PTPRD: variants seen among roughly 807,000 people sequenced by gnomAD.
The protein encoded by PTPRD is receptor-type tyrosine-protein phosphatase delta.
A neutral mutation model predicts 214.5 loss-of-function variants in PTPRD; 34 were observed. That is an observed-to-expected ratio of 0.16 (90% confidence interval 0.12 to 0.21). The LOEUF is 0.21. Among genes scored for constraint, PTPRD ranks in the 10% least tolerant of loss-of-function variants. The pLI, the probability that PTPRD is intolerant of heterozygous loss-of-function variation, is 1.00. For missense variants in PTPRD, 2,545 were observed against 2,398.7 expected (o/e 1.06, Z -1.27); for synonymous variants, 1,128 against 845.7 (o/e 1.33, Z -5.79).
At chr9:9,246,870 C>T (rs903314607) in intron 9 of PTPRD, among the ~76,000 whole-genome samples, 4 of 151,886 alleles carry the variant, frequency 2.6e-5, no homozygotes, top group African/African-American at 9.7e-5. Context: ...AAATAATACC[C>T]CAAAATATGG....
intron 7 of PTPRD, among the ~76,000 whole-genome samples, chr9:9,666,776 A>T (rs748265189): frequency 3.3e-5 from 5 of 152,046 alleles, no homozygotes; most frequent in African/African-American, 4.8e-5. Context: ...TGAAATCTAA[A>T]ACCAAAAATG....
chr9:9,448,851 G>A (rs954043910), intron 8 of PTPRD, among the ~76,000 whole-genome samples: 5 of 151,988 alleles, frequency 3.3e-5, no homozygotes, highest in African/African-American at 1.2e-4. Context: ...AAAGCAGGGT[G>A]GCTAATGGAT....
intron 3 of PTPRD, among the ~76,000 whole-genome samples, chr9:10,067,508 T>C (rs2097907968): frequency 6.6e-6 from 1 of 151,884 alleles, no homozygotes; most frequent in South Asian, 2.1e-4. Flanking sequence ...CAGTGAGATA[T>C]CTAACAATTC....
intron 11 of PTPRD, among the ~76,000 whole-genome samples, chr9:8,921,724 C>A (rs899349631): frequency 6.6e-6 from 1 of 152,082 alleles, no homozygotes; most frequent in African/African-American, 2.4e-5. Flanking sequence ...GAACTCCCGA[C>A]CTCAAGTGAT....
At chr9:9,283,262 T>C (rs1337709978) in intron 9 of PTPRD, among the ~76,000 whole-genome samples, 1 of 151,496 alleles carries the variant, frequency 6.6e-6, no homozygotes, top group Non-Finnish European at 1.5e-5. Flanking sequence ...AAGACCCTGA[T>C]AATTTAGTTG....
chr9:9,597,363 A>G (rs1356431070), intron 7 of PTPRD, among the ~76,000 whole-genome samples: 2 of 152,060 alleles, frequency 1.3e-5, no homozygotes, highest in Non-Finnish European at 2.9e-5. Flanking sequence ...TTATACTTTT[A>G]AATGACTAGC....
chr9:10,375,269 A>G (rs1188922057), intron 2 of PTPRD, among the ~76,000 whole-genome samples: 1 of 152,072 alleles, frequency 6.6e-6, no homozygotes, highest in African/African-American at 2.4e-5. Flanking sequence ...AATTATATAC[A>G]GAATGCTTTG....
chr9:10,124,080 G>C (rs996739543), intron 3 of PTPRD, among the ~76,000 whole-genome samples: 2 of 152,190 alleles, frequency 1.3e-5, no homozygotes, highest in Non-Finnish European at 2.9e-5. Context: ...GCTGCATTTA[G>C]AGAACTGGCC....
chr9:9,800,317 G>C (rs1264717429), intron 5 of PTPRD, among the ~76,000 whole-genome samples: 3 of 152,126 alleles, frequency 2.0e-5, no homozygotes, highest in South Asian at 2.1e-4. Flanking sequence ...CCTGGGGACA[G>C]AGCAAGATCT....
At chr9:9,334,571 CTT>C (rs1256814071) in intron 9 of PTPRD, among the ~76,000 whole-genome samples, 1 of 151,910 alleles carries the variant, frequency 6.6e-6, no homozygotes, top group Non-Finnish European at 1.5e-5. Context: ...GGGTCTGCCA[CTT>C]TCTCTTGTGG....
At chr9:9,494,452 G>T (rs761398397) in intron 8 of PTPRD, among the ~76,000 whole-genome samples, 1 of 152,082 alleles carries the variant, frequency 6.6e-6, no homozygotes, top group Non-Finnish European at 1.5e-5. Context: ...CCCCAACCTC[G>T]AGTAACCACC....
intron 3 of PTPRD, among the ~76,000 whole-genome samples, chr9:10,255,812 A>C (rs1356244368): frequency 6.6e-6 from 1 of 152,138 alleles, no homozygotes; most frequent in Non-Finnish European, 1.5e-5. Flanking sequence ...AGTCATTATT[A>C]CTATTATTTA....
chr9:10,418,602 T>C (rs73406133), intron 2 of PTPRD, among the ~76,000 whole-genome samples: 1 of 151,788 alleles, frequency 6.6e-6, no homozygotes, highest in African/African-American at 2.4e-5. Flanking sequence ...TTAAGGTTTC[T>C]CTTTCCCACT....
chr9:9,113,408 C>T (rs2099808919), intron 10 of PTPRD, among the ~76,000 whole-genome samples: 1 of 152,070 alleles, frequency 6.6e-6, no homozygotes, highest in African/African-American at 2.4e-5. Context: ...GAGTGTTGTC[C>T]TAAAGGAGTT....
At chr9:10,582,345 T>G (rs1256959902) in intron 2 of PTPRD, among the ~76,000 whole-genome samples, 1 of 152,180 alleles carries the variant, frequency 6.6e-6, no homozygotes, top group Non-Finnish European at 1.5e-5. Context: ...CTGTTGGTAT[T>G]CTTTCCTACT....
At chr9:8,845,221 G>T (rs2097665923) in intron 11 of PTPRD, among the ~76,000 whole-genome samples, 1 of 151,638 alleles carries the variant, frequency 6.6e-6, no homozygotes, top group South Asian at 2.1e-4. Flanking sequence ...TCTGAGACCT[G>T]GTCCTAACAG....
intron 14 of PTPRD, among the ~76,000 whole-genome samples, chr9:8,530,588 C>G (rs975611299): frequency 6.6e-6 from 1 of 152,094 alleles, no homozygotes; most frequent in African/African-American, 2.4e-5. Flanking sequence ...ATTCTGCTCC[C>G]TTGCAATCAT....
At chr9:9,979,815 C>A (rs1187494470) in intron 4 of PTPRD, among the ~76,000 whole-genome samples, 1 of 151,942 alleles carries the variant, frequency 6.6e-6, no homozygotes, top group African/African-American at 2.4e-5. Context: ...AGGGAGAAAC[C>A]CAGCTAACTC....
rs73640971 is a variant in PTPRD, at chr9:8,933,362, T to C, written c.-104+85335A>G. ...GAGGTTTTTTTTTTTTTTTTTTTTT[T>C]TACATAAAAGGACTCTAGTATAACA... On this transcript the variant is annotated intron_variant, in intron 11 of 45. Transcript: ENST00000381196. Among the ~76,000 whole-genome samples, 290 of 148,768 alleles carry C rather than the reference T, an allele frequency of 1.9e-3. 4 individuals carry two copies. Among genetic ancestry groups the C allele is most frequent in the African/African-American group, 6.7e-3 (272 of 40,542 alleles).
Sources: gnomAD v4.1 joint callset for allele counts (sites outside exome capture counted in the v4.1 genomes callset) on GRCh38, gnomAD v4.1.1 for gene constraint, MANE v1.5 for transcripts, NCBI Gene and HGNC (gene_info 2026-07-23, HGNC 2026-07-21) for gene names.